Variants in MYH16 observed in about 807,000 individuals in gnomAD.
MYH16 encodes putative uncharacterized protein MYH16.
intron 34 of MYH16, among the ~76,000 whole-genome samples, chr7:99,297,202 C>T (rs1381396956): frequency 2.0e-5 from 3 of 151,652 alleles, no homozygotes; most frequent in African/African-American, 4.8e-5. Flanking sequence ...GAGGCTGAGG[C>T]GGGCGGATCA....
rs1174213343 is a variant in MYH16, at chr7:99,249,665, G to C, written n.540-314G>C. Among the ~76,000 whole-genome samples, 4 of 134,294 alleles carry C rather than the reference G, an allele frequency of 3.0e-5. 1 individual carries two copies. 88.1% of individuals were successfully genotyped at this position (134,294 alleles called of 152,430 possible). ...CCACCTCCTGGGTTCAAGCGATTCT[G>C]CTGCCTCAGCCTCCTGAGTAGCTGG... On this transcript the variant is annotated intron_variant and non_coding_transcript_variant, in intron 4 of 41. Coordinates refer to ENST00000439784, the Ensembl canonical transcript of MYH16.
chr7:99,240,563 GT>G (rs1791655421), intron 1 of MYH16, among the ~76,000 whole-genome samples: 3 of 152,266 alleles, frequency 2.0e-5, no homozygotes, highest in African/African-American at 7.2e-5. Context: ...ATTAAAAGAA[GT>G]CAGAGGCCAG....
At chr7:99,298,082 C>T (rs1270137094) in intron 36 of MYH16, 87 bp downstream of exon 17, 3 of 426,730 alleles carry the variant, frequency 7.0e-6, no homozygotes, top group South Asian at 1.7e-5. Flanking sequence ...ACCTACTAGT[C>T]GCGTGACGTT....
intron 6 of MYH16, among the ~76,000 whole-genome samples, chr7:99,252,010 C>T (rs1435134025): frequency 6.6e-6 from 1 of 152,090 alleles, no homozygotes; most frequent in Non-Finnish European, 1.5e-5. Flanking sequence ...GCAAACAGAA[C>T]CCTCTTTAGT....
intron 14 of MYH16, chr7:99,263,550 C>A (rs1266661405): frequency 6.6e-6 from 1 of 152,474 alleles, no homozygotes; most frequent in Non-Finnish European, 1.5e-5. Context: ...CTCTTTGATT[C>A]AACTCTTGTG....
intron 39 of MYH16, among the ~76,000 whole-genome samples, chr7:99,303,425 T>C (rs1792634348): frequency 1.3e-5 from 2 of 152,266 alleles, no homozygotes; most frequent in African/African-American, 2.4e-5. Flanking sequence ...TGAAAGATTA[T>C]AGCACAAGGC....
intron 28 of MYH16, 32 bp from the exon 10 acceptor site, chr7:99,287,860 A>T (rs768457380): frequency 1.3e-5 from 6 of 448,374 alleles, no homozygotes; most frequent in South Asian, 9.3e-5. Flanking sequence ...GGCACTGGCC[A>T]GTTCTGCTAA....
At chr7:99,287,982 A>G (rs1792307181) in exon 29 of MYH16, 2 of 456,778 alleles carry the variant, frequency 4.4e-6, no homozygotes, top group Non-Finnish European at 8.8e-6. Flanking sequence ...GACGGCCTCC[A>G]CACTGCGCAA....
chr7:99,250,225 G>C (rs1423117718), intron 5 of MYH16: 4 of 152,444 alleles, frequency 2.6e-5, no homozygotes, highest in Admixed American at 1.3e-4. Context: ...CTTGGGTGGG[G>C]TCACACAGGG....
intron 1 of MYH16, among the ~76,000 whole-genome samples, chr7:99,241,734 A>G (rs977731794): frequency 2.0e-5 from 3 of 152,218 alleles, no homozygotes; most frequent in African/African-American, 7.2e-5. Context: ...TAAAAGTCCC[A>G]GAAATCCCAG....
At chr7:99,246,097 G>A (rs1255234982) in intron 2 of MYH16, among the ~76,000 whole-genome samples, 4 of 151,820 alleles carry the variant, frequency 2.6e-5, no homozygotes, top group Non-Finnish European at 5.9e-5. Flanking sequence ...TCCCAGCTAC[G>A]TGGGATGTTG....
At chr7:99,244,104 T>C (rs1432474275) in intron 2 of MYH16, among the ~76,000 whole-genome samples, 1 of 150,724 alleles carries the variant, frequency 6.6e-6, no homozygotes, top group Non-Finnish European at 1.5e-5. Flanking sequence ...CAAACATTCG[T>C]CCACCTATCC....
intron 2 of MYH16, among the ~76,000 whole-genome samples, chr7:99,246,007 GC>G (rs1302696417): frequency 3.3e-5 from 5 of 151,792 alleles, no homozygotes; most frequent in Non-Finnish European, 5.9e-5. Context: ...TTCATGACAA[GC>G]CTGAGCAACA....
chr7:99,286,432 T>A (rs998975186), intron 27 of MYH16: 4 of 151,968 alleles, frequency 2.6e-5, no homozygotes, highest in African/African-American at 7.3e-5. Context: ...AAAACTTTCA[T>A]CCCAGGTGGA....
intron 40 of MYH16, chr7:99,305,478 A>T (rs527370311): frequency 6.6e-6 from 1 of 152,230 alleles, no homozygotes; most frequent in African/African-American, 2.4e-5. Flanking sequence ...TAACACCCCC[A>T]TTTCCCAGAT....
At chr7:99,241,231 G>A (rs537670711) in intron 1 of MYH16, among the ~76,000 whole-genome samples, 56 of 152,204 alleles carry the variant, frequency 3.7e-4, no homozygotes, top group Non-Finnish European at 7.5e-4. Context: ...AAAGCGAAGT[G>A]TCTGCACGTG....
chr7:99,306,009 G>C (rs1792672573), exon 41 of MYH16: 2 of 152,684 alleles, frequency 1.3e-5, no homozygotes, highest in South Asian at 4.1e-4. Flanking sequence ...ACAAGCTGAA[G>C]GTCTACAAGA....
intron 13 of MYH16, among the ~76,000 whole-genome samples, chr7:99,263,134 T>C (rs1187624433): frequency 3.9e-5 from 6 of 152,062 alleles, no homozygotes; most frequent in Non-Finnish European, 8.8e-5. Context: ...TGATGGAGCC[T>C]CCAACTCAGA....
At chr7:99,247,797 C>T (rs921696555) in intron 3 of MYH16, 1 of 153,988 alleles carries the variant, frequency 6.5e-6, no homozygotes. Flanking sequence ...GGGAGACAAG[C>T]CTTCCTTTGC....
Sources: gnomAD v4.1 joint callset for allele counts (sites outside exome capture counted in the v4.1 genomes callset) on GRCh38, gnomAD v4.1.1 for gene constraint, MANE v1.5 for transcripts, NCBI Gene and HGNC (gene_info 2026-07-23, HGNC 2026-07-21) for gene names.